CCDC91: variants seen among roughly 807,000 people sequenced by gnomAD.
The protein encoded by CCDC91 is coiled-coil domain containing 91, also known as coiled-coil domain-containing protein 91.
A neutral mutation model predicts 63.2 loss-of-function variants in CCDC91; 48 were observed. The observed-to-expected ratio is 0.76, with a 90% confidence interval of 0.60 to 0.97. CCDC91 has a LOEUF of 0.97. CCDC91 is among the 50% of genes least tolerant of loss of function. The pLI is 0.00. For missense variants in CCDC91, 500 were observed against 494.6 expected (o/e 1.01, Z -0.10); for synonymous variants, 167 against 165.8 (o/e 1.01, Z -0.06).
chr12:28,311,628 A>C (rs556825779), intron 6 of CCDC91, among the ~76,000 whole-genome samples: 1 of 152,068 alleles, frequency 6.6e-6, no homozygotes, highest in Non-Finnish European at 1.5e-5. Context: ...GGCCTACACT[A>C]TGACTATTTA....
At chr12:28,391,274 G>A in intron 7 of CCDC91, 30 bp from the exon 8 acceptor site, 1 of 1,382,244 alleles carries the variant, frequency 7.2e-7, no homozygotes, top group Non-Finnish European at 1.0e-6. Context: ...TTTTGTCTGT[G>A]ATCCAAATGA....
At chr12:28,532,368 G>A (rs570052725) in intron 12 of CCDC91, among the ~76,000 whole-genome samples, 2 of 152,112 alleles carry the variant, frequency 1.3e-5, no homozygotes, top group African/African-American at 4.8e-5. Context: ...ACATTGAAGG[G>A]ACTCAAAAAA....
At chr12:28,222,306 G>A (rs759465868) in intron 1 of CCDC91, among the ~76,000 whole-genome samples, 1 of 151,210 alleles carries the variant, frequency 6.6e-6, no homozygotes, top group Non-Finnish European at 1.5e-5. Context: ...GGTGGTGGTG[G>A]TGGTGCTGGT....
intron 12 of CCDC91, among the ~76,000 whole-genome samples, chr12:28,512,286 T>G (rs1192343650): frequency 1.3e-5 from 2 of 151,874 alleles, no homozygotes; most frequent in African/African-American, 4.8e-5. Context: ...TTTCCCCTTT[T>G]CCCAAGGGAA....
intron 6 of CCDC91, among the ~76,000 whole-genome samples, chr12:28,355,024 T>G (rs1943430585): frequency 6.6e-6 from 1 of 152,118 alleles, no homozygotes; most frequent in Non-Finnish European, 1.5e-5. Context: ...TCCTCTTTTA[T>G]CCCTCTTTCT....
intron 6 of CCDC91, among the ~76,000 whole-genome samples, chr12:28,357,411 A>C (rs1385845893): frequency 6.6e-6 from 1 of 152,092 alleles, no homozygotes; most frequent in Non-Finnish European, 1.5e-5. Flanking sequence ...TTCAGACCAA[A>C]ATTTCTGGTT....
chr12:28,350,812 C>T (rs1284786207), intron 6 of CCDC91, among the ~76,000 whole-genome samples: 1 of 152,182 alleles, frequency 6.6e-6, no homozygotes, highest in Non-Finnish European at 1.5e-5. Context: ...TCTATCTTCT[C>T]CTGGCCCTCT....
intron 6 of CCDC91, among the ~76,000 whole-genome samples, chr12:28,350,620 T>G (rs1433451250): frequency 2.0e-5 from 3 of 152,180 alleles, no homozygotes; most frequent in African/African-American, 7.2e-5. Flanking sequence ...ACTTGGTGGA[T>G]TGAAATACAG....
intron 8 of CCDC91, among the ~76,000 whole-genome samples, chr12:28,440,173 C>G (rs1260122765): frequency 1.3e-5 from 2 of 152,126 alleles, no homozygotes; most frequent in African/African-American, 4.8e-5. Context: ...CCACATGTAA[C>G]CTATGTTACC....
At chr12:28,312,668 A>C (rs1462726738) in intron 6 of CCDC91, among the ~76,000 whole-genome samples, 1 of 152,090 alleles carries the variant, frequency 6.6e-6, no homozygotes, top group Non-Finnish European at 1.5e-5. Flanking sequence ...TCCCCACTCA[A>C]ATCTTATCTT....
intron 8 of CCDC91, among the ~76,000 whole-genome samples, chr12:28,407,877 C>T (rs577223661): frequency 1.3e-5 from 2 of 151,352 alleles, no homozygotes; most frequent in East Asian, 3.9e-4. Flanking sequence ...TTTTAGTTTT[C>T]AATTTCAATT....
At chr12:28,195,590 A>G (rs980057004) in intron 1 of CCDC91, among the ~76,000 whole-genome samples, 1 of 152,160 alleles carries the variant, frequency 6.6e-6, no homozygotes, top group Non-Finnish European at 1.5e-5. Context: ...TGGTAGCGTT[A>G]TAGTGTATCT....
chr12:28,478,895 A>G (rs1951276525), intron 11 of CCDC91, among the ~76,000 whole-genome samples: 2 of 152,218 alleles, frequency 1.3e-5, no homozygotes. Flanking sequence ...GAGAAATGCC[A>G]ATCAAAACCA....
intron 8 of CCDC91, among the ~76,000 whole-genome samples, chr12:28,437,471 C>A (rs79718398): frequency 0.013 from 1,919 of 152,036 alleles, 48 homozygotes; most frequent in African/African-American, 0.044. Context: ...TGATTAATAA[C>A]CTTTCGTGAT....
intron 3 of CCDC91, chr12:28,304,675 A>G (rs1225144615): frequency 2.3e-6 from 3 of 1,277,378 alleles, no homozygotes; most frequent in Non-Finnish European, 3.1e-6. Context: ...TTATGGTAGA[A>G]CTTCACTGAA....
chr12:28,426,622 ATTC>A (rs1411146366), intron 8 of CCDC91, among the ~76,000 whole-genome samples: 9 of 152,114 alleles, frequency 5.9e-5, no homozygotes, highest in Non-Finnish European at 8.8e-5. Context: ...CATCAAAGGC[ATTC>A]TTCTTTTCTG....
At chr12:28,376,673 A>C (rs1944966513) in intron 7 of CCDC91, among the ~76,000 whole-genome samples, 1 of 151,846 alleles carries the variant, frequency 6.6e-6, no homozygotes, top group Admixed American at 6.6e-5. Context: ...TGTATTTTTA[A>C]AGAGAAAGTA....
intron 12 of CCDC91, among the ~76,000 whole-genome samples, chr12:28,515,876 C>G (rs375747337): frequency 9.2e-5 from 14 of 151,860 alleles, no homozygotes; most frequent in African/African-American, 3.1e-4. Flanking sequence ...CCCGGACCCT[C>G]ACCTCCCCAT....
intron 3 of CCDC91, among the ~76,000 whole-genome samples, chr12:28,265,481 T>G (rs1489736581): frequency 2.0e-5 from 3 of 152,054 alleles, no homozygotes; most frequent in African/African-American, 7.2e-5. Context: ...GTTCAAACAT[T>G]TTTCTCAAGA....
Sources: allele counts gnomAD v4.1 joint callset (sites outside exome capture counted in the v4.1 genomes callset), GRCh38; gene constraint gnomAD v4.1.1; transcripts MANE v1.5; gene names NCBI Gene and HGNC (gene_info 2026-07-23, HGNC 2026-07-21).